The following TPM4 variants were observed in gnomAD, a reference collection of about 807,000 sequenced individuals.
TPM4 encodes tropomyosin alpha-4 chain.
TPM4 carries 17 observed loss-of-function variants against 35.8 expected under a neutral mutation model. That is an observed-to-expected ratio of 0.47 (90% CI 0.32 to 0.71). TPM4 has a LOEUF of 0.71. TPM4 is among the 30% of genes least tolerant of loss of function. The pLI is 0.03. For missense variants in TPM4, 240 were observed against 320.9 expected, an observed-to-expected ratio of 0.75 and a Z score of 1.93; for synonymous variants, 120 against 122.9, an observed-to-expected ratio of 0.98 and a Z score of 0.15.
chr19:16,093,443 C>T (rs1021283401), intron 5 of TPM4, 93 bp from the exon 6 acceptor site: 1 of 1,432,756 alleles, frequency 7.0e-7, no homozygotes, highest in Non-Finnish European at 9.8e-7. Context: ...ATCCACCAGC[C>T]TCAGGCTCCC....
chr19:16,071,059 G>A (rs2090352981), intron 2 of TPM4, among the ~76,000 whole-genome samples: 1 of 152,238 alleles, frequency 6.6e-6, no homozygotes, highest in African/African-American at 2.4e-5. Flanking sequence ...CAGCTGCGTG[G>A]CCAAGGAGGT....
At chr19:16,069,244 T>C (rs1167575627) in intron 2 of TPM4, among the ~76,000 whole-genome samples, 1 of 152,164 alleles carries the variant, frequency 6.6e-6, no homozygotes, top group Non-Finnish European at 1.5e-5. Context: ...TGAGTGTGTG[T>C]TTCTGTTGGT....
At position 16,067,901 on chromosome 19, in the gene TPM4, G is replaced by C; in HGVS notation, c.114+163G>C. 1 of 629,392 alleles carries C rather than the reference G, an allele frequency of 1.6e-6. No individual in the cohort carries two copies. Among genetic ancestry groups the C allele is most frequent in the Non-Finnish European group, 2.6e-6 (1 of 384,414 alleles). The allele number at this position is 629,392 out of a possible 1,614,324, so 39.0% of individuals were successfully genotyped here. ...GGGGACCATTGCCTTCCTTGGATGG[G>C]GTCCTGGGCTGGAAGAGGGGTGACG... On this transcript the variant is annotated intron_variant, in intron 2 of 2. Coordinates refer to the TPM4 transcript ENST00000589897. This position sits in a 1 kb window ranked among gnomAD's most constrained non-coding sequence, Gnocchi z 4.1.
In TPM4 at chr19:16,093,985, G is replaced by C. The variant is rs974123591; in HGVS notation, c.664+232G>C. Among the ~76,000 whole-genome samples, 10 of 142,180 alleles carry C rather than the reference G, an allele frequency of 7.0e-5. No individual in the cohort carries two copies. The Admixed American group carries it at 7.2e-4, about 10-fold the overall frequency. 93.3% of individuals were successfully genotyped at this position (142,180 alleles called of 152,430 possible). On this transcript the variant is annotated intron_variant, in intron 7 of 7. Coordinates refer to ENST00000643579, the MANE Select transcript of TPM4 (RefSeq NM_003290.3). Reference sequence around the variant, plus strand: ...TTTTTTTTTTTTTTTCTATGAGACGGAGTCTGGCTCTGTCTCCCAGGCTGG... The same window carrying C: ...TTTTTTTTTTTTTTTCTATGAGACGCAGTCTGGCTCTGTCTCCCAGGCTGG...
chr19:16,088,421 A>C, intron 4 of TPM4: 1 of 1,181,840 alleles, frequency 8.5e-7, no homozygotes, highest in Non-Finnish European at 1.1e-6. Flanking sequence ...TTAACAGAAC[A>C]CTGACCTGCT....
At chr19:16,075,268 C>T (rs998120363), upstream of TPM4, 26 of 152,246 alleles carry the variant, frequency 1.7e-4, no homozygotes, top group African/African-American at 5.8e-4. Context: ...ATCCATAGGC[C>T]TGAGCTTCTC....
chr19:16,070,886 G>C lies in TPM4; in HGVS notation c.114+3148G>C, dbSNP rs2090350757. On this transcript the variant is annotated intron_variant, in intron 2 of 2. Coordinates refer to the TPM4 transcript ENST00000589897. This position sits in a 1 kb window ranked among gnomAD's most constrained non-coding sequence, Gnocchi z 7.4. ...CCTGGCAAACACAGACATTCATCCT[G>C]TGCTGGGCCAGCTTCTAGCCATCAT... 1.3e-5 allele frequency among the ~76,000 whole-genome samples: 2 copies of C among 152,168 alleles called. No homozygotes were observed. Among genetic ancestry groups the C allele is most frequent in the African/African-American group, 4.8e-5 (2 of 41,434 alleles).
chr19:16,095,335 A>G, intron 7 of TPM4: 1 of 1,038,366 alleles, frequency 9.6e-7, no homozygotes, highest in South Asian at 4.4e-5. Flanking sequence ...CAACGACATG[A>G]CCTCTCTCTG....
intron 2 of TPM4, among the ~76,000 whole-genome samples, chr19:16,085,370 C>T (rs1489830418): frequency 6.6e-6 from 1 of 152,150 alleles, no homozygotes; most frequent in East Asian, 1.9e-4. Flanking sequence ...CCTCCTACCT[C>T]AGCAACATTG....
chr19:16,101,144 C>A, intron 7 of TPM4, 120 bp from the exon 8 acceptor site: 1 of 795,044 alleles, frequency 1.3e-6, no homozygotes, highest in Non-Finnish European at 1.9e-6. Context: ...GCACTCCAGC[C>A]TGGGTGACAG....
upstream of TPM4, among the ~76,000 whole-genome samples, chr19:16,073,963 C>CAA (rs34116610): frequency 7.7e-3 from 556 of 71,872 alleles, 16 homozygotes; most frequent in East Asian, 0.018. Context: ...AAAAAAAACG[C>CAA]AAAAAAAAAA....
chr19:16,078,884 G>A (rs1303583140), intron 1 of TPM4, among the ~76,000 whole-genome samples: 3 of 150,782 alleles, frequency 2.0e-5, no homozygotes, highest in African/African-American at 4.9e-5. Context: ...AGGAGCCGGC[G>A]TGTGGTAGAC....
At chr19:16,076,383 TCGG>T (rs1303712940), upstream of TPM4, 10 of 1,401,232 alleles carry the variant, frequency 7.1e-6, no homozygotes, top group East Asian at 2.9e-4. Flanking sequence ...GGTGCTGACG[TCGG>T]CGGTCCGGCC....
chr19:16,076,856 C>T, intron 1 of TPM4, 159 bp downstream of exon 1: 2 of 1,244,566 alleles, frequency 1.6e-6, no homozygotes, highest in Non-Finnish European at 2.0e-6. Context: ...CGCCCGCAGC[C>T]AGGACCCCCT....
At chr19:16,083,725 T>G (rs1217700154) in intron 2 of TPM4, among the ~76,000 whole-genome samples, 1 of 151,918 alleles carries the variant, frequency 6.6e-6, no homozygotes, top group African/African-American at 2.4e-5. Flanking sequence ...CACCATGCTT[T>G]TGCAGTATAA....
intron 5 of TPM4, among the ~76,000 whole-genome samples, chr19:16,091,083 T>C (rs952632285): frequency 6.6e-6 from 1 of 152,076 alleles, no homozygotes; most frequent in African/African-American, 2.4e-5. Context: ...GATGGAGCCT[T>C]GCTCTGTCGC....
rs1191083581 is a variant in TPM4 at position 16,088,027 on chromosome 19, G to C, written c.385G>C (p.Val129Leu). Residue 129 changes from valine to leucine, a missense_variant and splice_region_variant, in exon 4 of 8, where the codon GTA (valine) becomes CTA (leucine). Val to Leu is a conservative substitution (Grantham distance 32, BLOSUM62 1). Coordinates refer to ENST00000643579, the MANE Select transcript of TPM4 (RefSeq NM_003290.3). Reference protein sequence around the residue: ...AEEADRKYEEVARKLVILEGE... With the variant: ...AEEADRKYEELARKLVILEGE... ...CAGCTGGGCCTTTCTGTCTCTGCAG[G>C]TAGCTCGTAAGCTGGTCATCCTGGA... The C allele has an allele frequency of 6.2e-7, 1 of 1,610,554 alleles. No individual in the cohort carries two copies.
At chr19:16,088,800 T>C (rs2090590685) in intron 4 of TPM4, 1 of 1,260,834 alleles carries the variant, frequency 7.9e-7, no homozygotes, top group South Asian at 1.8e-5. Flanking sequence ...AGACCAGGAG[T>C]GTTTTCCAAG....
Position 16,101,496 on chromosome 19 carries a change from G to A in TPM4, c.*150G>A, listed in dbSNP as rs772800637. 23 of 527,744 alleles carry A rather than the reference G, an allele frequency of 4.4e-5. No homozygotes were observed. The highest frequency in any genetic ancestry group is 7.3e-5 in the Non-Finnish European group (22 of 302,100). 32.7% of individuals were successfully genotyped at this position (527,744 alleles called of 1,614,324 possible). On this transcript the variant is annotated 3_prime_UTR_variant, in exon 8 of 8. Coordinates refer to ENST00000643579, the MANE Select transcript of TPM4 (RefSeq NM_003290.3). ...ATACATGACCAAATATTTTGTATCG[G>A]AGAAGCTTTGAGCACCAGTTAAATC...
Sources: allele counts gnomAD v4.1 joint callset (sites outside exome capture counted in the v4.1 genomes callset), GRCh38; gene constraint gnomAD v4.1.1; non-coding constraint Gnocchi (gnomAD v3.1); transcripts MANE v1.5; gene names NCBI Gene and HGNC (gene_info 2026-07-23, HGNC 2026-07-21).